PHF14: variants seen among roughly 807,000 people sequenced by gnomAD.
PHF14 encodes the protein PHD finger protein 14.
A neutral mutation model predicts 117.9 loss-of-function variants in PHF14; 55 were observed. The observed-to-expected ratio is 0.47, with a 90% CI of 0.38 to 0.58. The LOEUF (loss-of-function observed/expected upper bound fraction) is 0.58, where lower values mean the gene tolerates loss of function less well. Ranked by LOEUF, PHF14 falls within the 20% of genes least tolerant of loss-of-function variation. PHF14 has a pLI of 0.00. For missense variants in PHF14, 978 were observed against 1,122.2 expected (o/e 0.87, Z 1.84); for synonymous variants, 409 against 368.6 (o/e 1.11, Z -1.26).
intron 4 of PHF14, among the ~76,000 whole-genome samples, chr7:11,000,764 C>G (rs1395222634): frequency 6.6e-6 from 1 of 152,068 alleles, no homozygotes; most frequent in Non-Finnish European, 1.5e-5. Context: ...GATATCAGTT[C>G]TTTATCAGAT....
intron 12 of PHF14, among the ~76,000 whole-genome samples, chr7:11,041,657 C>T (rs1784508998): frequency 6.6e-6 from 1 of 151,828 alleles, no homozygotes; most frequent in Admixed American, 6.6e-5. Context: ...CCTACATTGT[C>T]TTAGTGTACA....
At position 11,156,256 on chromosome 7, in the gene PHF14, G is replaced by A. The variant is rs987911411; in HGVS notation, c.2773-13160G>A. Among the ~76,000 whole-genome samples the A allele has an allele frequency of 2.0e-5, 3 of 152,310 alleles. No individual in the cohort carries two copies. In the East Asian group the frequency reaches 5.8e-4, roughly 29 times the overall value. On this transcript the variant is annotated intron_variant, in intron 17 of 17. Transcript: ENST00000634607. ...ACACTGATAATAAAGTGCCACTACT[G>A]AGGAATTTTTTTGTGTGAAATTTTC...
intron 16 of PHF14, chr7:11,105,851 C>A (rs1345438491): frequency 1.0e-6 from 1 of 984,218 alleles, no homozygotes; most frequent in African/African-American, 1.8e-5. Context: ...TGACACCCAG[C>A]AATTATCTCA....
At chr7:11,010,404 T>A (rs1483595942) in intron 4 of PHF14, among the ~76,000 whole-genome samples, 2 of 152,076 alleles carry the variant, frequency 1.3e-5, no homozygotes, top group Non-Finnish European at 2.9e-5. Context: ...TGAGTTTTGA[T>A]TCCTTTGCTT....
chr7:11,104,674 A>T, intron 16 of PHF14: 1 of 949,384 alleles, frequency 1.1e-6, no homozygotes, highest in Non-Finnish European at 1.3e-6. Flanking sequence ...AACGTTGTGC[A>T]TTGGAATCAC....
chr7:10,985,691 T>TCA (rs1782200448), intron 3 of PHF14, among the ~76,000 whole-genome samples: 2 of 134,550 alleles, frequency 1.5e-5, no homozygotes, highest in Admixed American at 8.0e-5. Flanking sequence ...CTCACTCTGT[T>TCA]GCCTAGGCTG....
intron 6 of PHF14, among the ~76,000 whole-genome samples, chr7:11,028,247 C>T (rs1024072305): frequency 9.2e-5 from 14 of 152,088 alleles, no homozygotes; most frequent in African/African-American, 2.7e-4. Flanking sequence ...ATTGAATACC[C>T]TACTGAAAGT....
At chr7:11,037,989 A>G (rs2128322781) in intron 10 of PHF14, among the ~76,000 whole-genome samples, 1 of 152,346 alleles carries the variant, frequency 6.6e-6, no homozygotes, top group East Asian at 1.9e-4. Context: ...AACAAACTGT[A>G]AAAGAAGGTA....
Position 10,982,359 on chromosome 7 carries a change from A to G in PHF14, c.113-13A>G. The G allele has an allele frequency of 6.6e-7, 1 of 1,511,586 alleles. No individual in the cohort carries two copies. Among genetic ancestry groups the G allele is most frequent in the African/African-American group, 1.4e-5 (1 of 70,938 alleles). The allele number at this position is 1,511,586 out of a possible 1,614,324, so 93.6% of individuals were successfully genotyped here. ...ACATATGTGTGGTTTTTTTTTTCTC[A>G]TATTTTCAACAGATTCTGAAGGGAG... On this transcript the variant is annotated splice_polypyrimidine_tract_variant and intron_variant, in intron 2 of 17. Coordinates refer to ENST00000634607, the MANE Select transcript of PHF14 (RefSeq NM_001007157.2).
rs1251087792 is a variant in PHF14, at chr7:10,982,602, A to T, written c.343A>T (p.Lys115Ter). The T allele has an allele frequency of 6.6e-7, 1 of 1,513,994 alleles. No homozygotes were observed. Among genetic ancestry groups the T allele is most frequent in the Non-Finnish European group, 9.0e-7 (1 of 1,116,954 alleles). 93.8% of individuals were successfully genotyped at this position (1,513,994 alleles called of 1,614,324 possible). The change falls in exon 3 of 18, where the codon AAG becomes TAG. Residue 115 changes from lysine to a stop codon, truncating the protein, a stop_gained. Transcript: ENST00000634607. LOFTEE classifies it high-confidence loss of function. ...AAATGGAGAAAGACCTAGAAAGAAA[A>T]AGGAGAAAGAGAAGGAAAAAGAAAA... ...EENGERPRKK[K>*]EKEKEKEKEK...
At chr7:11,043,952 A>G (rs916779988) in intron 13 of PHF14, among the ~76,000 whole-genome samples, 1 of 152,088 alleles carries the variant, frequency 6.6e-6, no homozygotes, top group Non-Finnish European at 1.5e-5. Flanking sequence ...CTCAGCCTGC[A>G]GAGCTCTGGT....
intron 3 of PHF14, among the ~76,000 whole-genome samples, chr7:10,987,989 C>T (rs1420645352): frequency 7.7e-6 from 1 of 130,612 alleles, no homozygotes; most frequent in Admixed American, 8.9e-5. Context: ...GCACTCCAGC[C>T]TGGGCAACAA....
intron 17 of PHF14, among the ~76,000 whole-genome samples, chr7:11,117,173 C>T (rs992837401): frequency 6.6e-6 from 1 of 151,896 alleles, no homozygotes; most frequent in East Asian, 1.9e-4. Flanking sequence ...TGTACTTTAT[C>T]GTGACTATGT....
Position 10,981,484 on chromosome 7 carries a change from T to G in PHF14, c.113-888T>G, listed in dbSNP as rs184915334. The stretch of plus-strand genomic sequence containing the variant: ...ACTGAGTTACTAAGTAGTGTTGGGT[T>G]GAGAGGGACTGGGCTGCCCTAGGCA... On this transcript the variant is annotated intron_variant, in intron 2 of 17. Coordinates refer to ENST00000634607, the MANE Select transcript of PHF14 (RefSeq NM_001007157.2). Among the ~76,000 whole-genome samples the G allele has an allele frequency of 4.3e-4, 66 of 152,286 alleles. No individual in the cohort carries two copies. The Middle Eastern group carries it at 0.014, about 31-fold the overall frequency.
chr7:11,094,753 TACTC>T (rs1786780497), intron 16 of PHF14, among the ~76,000 whole-genome samples: 1 of 152,152 alleles, frequency 6.6e-6, no homozygotes, highest in Non-Finnish European at 1.5e-5. Context: ...ACTGAATTCT[TACTC>T]ATGTAGTGTT....
chr7:11,001,546 T>C (rs1011201643), intron 4 of PHF14, among the ~76,000 whole-genome samples: 6 of 152,132 alleles, frequency 3.9e-5, no homozygotes, highest in Non-Finnish European at 8.8e-5. Flanking sequence ...CATTTATTTA[T>C]TTAGTTCTTT....
At chr7:11,153,015 A>G (rs924371589) in intron 17 of PHF14, among the ~76,000 whole-genome samples, 1 of 152,198 alleles carries the variant, frequency 6.6e-6, no homozygotes, top group Non-Finnish European at 1.5e-5. Context: ...TTTCTAGGTC[A>G]TGGCAGTAGT....
chr7:11,112,590 C>T (rs900323109), intron 17 of PHF14, among the ~76,000 whole-genome samples: 4 of 151,634 alleles, frequency 2.6e-5, no homozygotes, highest in African/African-American at 9.7e-5. Flanking sequence ...GCCAACATGG[C>T]GAAACCCCAT....
chr7:11,162,072 C>CTTTTTTTTTTTTTTT (rs564998009), intron 17 of PHF14, among the ~76,000 whole-genome samples: 5 of 70,302 alleles, frequency 7.1e-5, no homozygotes, highest in African/African-American at 1.2e-4. Flanking sequence ...AAAAATATGT[C>CTTTTTTTTTTTTTTT]TTTTTTTTTT....
Sources: allele counts gnomAD v4.1 joint callset (sites outside exome capture counted in the v4.1 genomes callset), GRCh38; gene constraint gnomAD v4.1.1; transcripts MANE v1.5; gene names NCBI Gene and HGNC (gene_info 2026-07-23, HGNC 2026-07-21).